Variants in TBPL2 observed in about 807,000 individuals in gnomAD.
The protein encoded by TBPL2 is TATA-box binding protein like 2.
In TBPL2, 40 loss-of-function variants were observed where a neutral mutation model predicts 38.2. That is an observed-to-expected ratio of 1.05 (90% CI 0.81 to 1.36). The LOEUF (loss-of-function observed/expected upper bound fraction) is 1.36. Ranked by LOEUF, TBPL2 falls within the 40% of genes most tolerant of loss-of-function variation. The pLI is 0.00. For synonymous variants in TBPL2, 169 were observed against 171.7 expected (o/e 0.98, Z 0.12); for missense variants, 461 against 456.7 (o/e 1.01, Z -0.09).
exon 5 of TBPL2, chr14:55,428,877 C>A (rs745445853): frequency 1.9e-6 from 3 of 1,614,162 alleles, no homozygotes; most frequent in Non-Finnish European, 1.7e-6. Context: ...CAGCTTCCAA[C>A]CATGTTCTGA....
At chr14:55,430,277 C>T (rs180959510) in intron 4 of TBPL2, among the ~76,000 whole-genome samples, 1 of 152,070 alleles carries the variant, frequency 6.6e-6, no homozygotes, top group African/African-American at 2.4e-5. Context: ...ACTTGTTTGC[C>T]TGGACTAAAG....
At chr14:55,423,382 A>C (rs1885774622) in intron 6 of TBPL2, among the ~76,000 whole-genome samples, 1 of 152,258 alleles carries the variant, frequency 6.6e-6, no homozygotes, top group South Asian at 2.1e-4. Context: ...GCCTTAAACG[A>C]AAGTCCCATT....
At chr14:55,415,543 T>C (rs1885655549) in intron 6 of TBPL2, among the ~76,000 whole-genome samples, 1 of 152,180 alleles carries the variant, frequency 6.6e-6, no homozygotes, top group South Asian at 2.1e-4. Context: ...TGGAAACAGC[T>C]TAAATGCCCG....
chr14:55,431,230 A>G (rs934715879), intron 4 of TBPL2, among the ~76,000 whole-genome samples: 3 of 152,222 alleles, frequency 2.0e-5, no homozygotes, highest in Non-Finnish European at 2.9e-5. Flanking sequence ...AAACTTCAAA[A>G]CCAAATATAT....
At chr14:55,431,296 G>A (rs924452287) in intron 4 of TBPL2, among the ~76,000 whole-genome samples, 1 of 152,164 alleles carries the variant, frequency 6.6e-6, no homozygotes, top group Admixed American at 6.5e-5. Flanking sequence ...TTCACTATCA[G>A]ATTTTAGGAA....
At chr14:55,427,036 T>C (rs1173713826) in intron 5 of TBPL2, among the ~76,000 whole-genome samples, 1 of 152,192 alleles carries the variant, frequency 6.6e-6, no homozygotes, top group African/African-American at 2.4e-5. Context: ...CTTGCAGATG[T>C]ACACTAAGCC....
chr14:55,418,895 C>T (rs1202566890), intron 6 of TBPL2, among the ~76,000 whole-genome samples: 1 of 152,160 alleles, frequency 6.6e-6, no homozygotes, highest in African/African-American at 2.4e-5. Flanking sequence ...TGCTTCCTTA[C>T]AACACTTAGG....
At chr14:55,417,422 A>G (rs1476225468) in intron 6 of TBPL2, among the ~76,000 whole-genome samples, 1 of 148,820 alleles carries the variant, frequency 6.7e-6, no homozygotes, top group Non-Finnish European at 1.5e-5. Flanking sequence ...CCAATTTGTA[A>G]TACCAGGCTC....
At chr14:55,436,859 C>G (rs1323533355) in exon 2 of TBPL2, 1 of 1,614,216 alleles carries the variant, frequency 6.2e-7, no homozygotes, top group South Asian at 1.1e-5. Flanking sequence ...GTAACTTCAT[C>G]TGGTAGGAAG....
chr14:55,428,417 T>A (rs1241734769), intron 5 of TBPL2, among the ~76,000 whole-genome samples: 1 of 152,142 alleles, frequency 6.6e-6, no homozygotes, highest in Non-Finnish European at 1.5e-5. Flanking sequence ...CCAGTGTCAT[T>A]GCCAAGCTAC....
rs529208070 is a variant in TBPL2, at chr14:55,418,618, C to T, written c.1052-4163G>A. Among the ~76,000 whole-genome samples the T allele has an allele frequency of 3.3e-5, 5 of 152,324 alleles. No individual in the cohort carries two copies. The East Asian group carries it at 9.6e-4, about 29-fold the overall frequency. Reference sequence around the variant, plus strand: ...AACAAGTCTTGGCATTTTTCTGCTGCCCTCTGACCTACTCATTTCCGAGAA... The same window carrying T: ...AACAAGTCTTGGCATTTTTCTGCTGTCCTCTGACCTACTCATTTCCGAGAA... On this transcript the variant is annotated intron_variant, in intron 6 of 6. Coordinates refer to ENST00000247219, the Ensembl canonical transcript of TBPL2.
intron 4 of TBPL2, among the ~76,000 whole-genome samples, chr14:55,431,062 G>A (rs2140175320): frequency 6.6e-6 from 1 of 152,234 alleles, no homozygotes; most frequent in African/African-American, 2.4e-5. Context: ...CACCCATACT[G>A]GTGTTAACTA....
intron 1 of TBPL2, among the ~76,000 whole-genome samples, chr14:55,439,930 C>CAAAAA (rs71131272): frequency 7.7e-5 from 3 of 39,180 alleles, no homozygotes; most frequent in African/African-American, 2.1e-4. Flanking sequence ...GACTCTGTCT[C>CAAAAA]AAAAAAAAAA....
rs576819393 is a variant in TBPL2 at position 55,439,614 on chromosome 14, A to ACCCCC, written c.150+777_150+781dup. On this transcript the variant is annotated intron_variant, in intron 1 of 6. Transcript: ENST00000247219. ...AACACCAGCCTGGGGAGAAAAGCAA[A>ACCCCC]CCCCCCCCCGTCTCTACTAAAAAAT... Among the ~76,000 whole-genome samples the ACCCCC allele has an allele frequency of 3.1e-4, 26 of 84,590 alleles. 1 individual carries two copies. The highest frequency in any genetic ancestry group is 9.9e-4 in the African/African-American group (25 of 25,236). 55.5% of individuals were successfully genotyped at this position (84,590 alleles called of 152,430 possible).
chr14:55,440,444 C>T lies in TBPL2; in HGVS notation c.102G>A (p.Glu34=), dbSNP rs761800832. Residue 34 remains glutamate, a synonymous_variant, in exon 1 of 7, where the codon GAG becomes GAA. Transcript: ENST00000247219. ...AGAGCTCCAGGTAGGTCTCCTCCTG[C>T]TCCATGGACCGTAATCCCACTGTTG... is the stretch of plus-strand genomic sequence containing the variant. 33 of 1,612,898 alleles carry T rather than the reference C, an allele frequency of 2.0e-5. No individual in the cohort carries two copies. In the East Asian group the frequency reaches 3.1e-4, roughly 15 times the overall value.
rs2140177725 is a variant in TBPL2 at position 55,433,614 on chromosome 14, G to A, written c.788+16C>T. ...AATTGTTTCTCTGGTAGGGGTGGAG[G>A]GATGATTCCTCATACCTTTTGGCTC... is the stretch of plus-strand genomic sequence containing the variant. On this transcript the variant is annotated intron_variant, in intron 4 of 6. Transcript: ENST00000247219. 1.2e-6 allele frequency: 2 copies of A among 1,607,302 alleles called. No individual in the cohort carries two copies. The highest frequency in any genetic ancestry group is 4.5e-5 in the East Asian group (2 of 44,858).
chr14:55,422,560 A>G (rs528607452), intron 6 of TBPL2, among the ~76,000 whole-genome samples: 257 of 152,220 alleles, frequency 1.7e-3, no homozygotes, highest in Middle Eastern at 3.4e-3. Flanking sequence ...TAAAATAGCA[A>G]CTTTCTGTAG....
chr14:55,433,569 C>A lies in TBPL2; in HGVS notation c.788+61G>T. ...TGTGCTTTAGCACATTAATTCTATG[C>A]TTCCTTGTTTTACATACTAAATTGT... On this transcript the variant is annotated intron_variant, in intron 4 of 6. Transcript: ENST00000247219. 5 of 1,488,428 alleles carry A rather than the reference C, an allele frequency of 3.4e-6. No individual in the cohort carries two copies. In the South Asian group the frequency reaches 5.7e-5, roughly 17 times the overall value. The allele number at this position is 1,488,428 out of a possible 1,614,324, so 92.2% of individuals were successfully genotyped here.
intron 4 of TBPL2, among the ~76,000 whole-genome samples, chr14:55,431,580 T>G (rs1346230892): frequency 1.3e-5 from 2 of 152,238 alleles, no homozygotes; most frequent in African/African-American, 4.8e-5. Context: ...CTTGCACAAC[T>G]GTCCAATAAT....
Sources: gnomAD v4.1 joint callset for allele counts (sites outside exome capture counted in the v4.1 genomes callset) on GRCh38, gnomAD v4.1.1 for gene constraint, MANE v1.5 for transcripts, NCBI Gene and HGNC (gene_info 2026-07-23, HGNC 2026-07-21) for gene names.